The following GTF2F2 variants were observed in gnomAD, a reference collection of about 807,000 sequenced individuals.
The protein encoded by GTF2F2 is ATP-dependent helicase GTF2F2.
GTF2F2 carries 23 observed loss-of-function variants against 42.2 expected under a neutral mutation model. The ratio of observed to expected loss-of-function variants is 0.55; its 90% CI spans 0.39 to 0.77. GTF2F2 has a LOEUF of 0.77. Among genes scored for constraint, GTF2F2 ranks in the 30% least tolerant of loss-of-function variants. The probability of loss-of-function intolerance (pLI) is 0.00; values close to 1 mark genes in which losing one functional copy is unlikely to be tolerated. For synonymous variants in GTF2F2, 105 were observed against 100.8 expected, an observed-to-expected ratio of 1.04 and a Z score of -0.25; for missense variants, 261 against 287.2, an observed-to-expected ratio of 0.91 and a Z score of 0.66.
At chr13:45,174,634 C>CTTTTTTTTTT (rs397950608) in intron 4 of GTF2F2, among the ~76,000 whole-genome samples, 23 of 81,334 alleles carry the variant, frequency 2.8e-4, no homozygotes, top group Non-Finnish European at 4.4e-4. Flanking sequence ...TTTCTTTTTT[C>CTTTTTTTTTT]TTTTTTTTTT....
chr13:45,179,683 A>T (rs998186511), intron 4 of GTF2F2, among the ~76,000 whole-genome samples: 1 of 152,158 alleles, frequency 6.6e-6, no homozygotes, highest in Non-Finnish European at 1.5e-5. Context: ...GACCACAGGG[A>T]ATCTCATTTT....
At chr13:45,244,791 A>G (rs1875503641) in intron 5 of GTF2F2, among the ~76,000 whole-genome samples, 2 of 152,122 alleles carry the variant, frequency 1.3e-5, no homozygotes, top group Admixed American at 1.3e-4. Flanking sequence ...CTGCCTCAGC[A>G]TCCTGAGTAG....
At chr13:45,188,861 G>A (rs1478242992) in intron 4 of GTF2F2, among the ~76,000 whole-genome samples, 1 of 151,606 alleles carries the variant, frequency 6.6e-6, no homozygotes, top group African/African-American at 2.4e-5. Flanking sequence ...ATATTCACCA[G>A]CAGACAAATT....
intron 7 of GTF2F2, among the ~76,000 whole-genome samples, chr13:45,272,437 A>C (rs1459402461): frequency 2.2e-5 from 3 of 138,598 alleles, no homozygotes; most frequent in South Asian, 2.2e-4. Flanking sequence ...AAAAAAAAAA[A>C]AAACAAAAAA....
chr13:45,143,737 C>T (rs1225170326), intron 2 of GTF2F2, among the ~76,000 whole-genome samples: 6 of 152,138 alleles, frequency 3.9e-5, no homozygotes, highest in African/African-American at 1.2e-4. Flanking sequence ...AGGGAAAAGA[C>T]GTGCAGCCTG....
In GTF2F2 at chr13:45,181,475, T is replaced by A. The variant is rs961691945; in HGVS notation, c.305-25949T>A. 1.6e-4 allele frequency among the ~76,000 whole-genome samples: 24 copies of A among 152,268 alleles called. No individual in the cohort carries two copies. The South Asian group carries it at 2.5e-3, about 16-fold the overall frequency. The stretch of plus-strand genomic sequence containing the variant: ...CCAAGAACATTTTAAGCATGTCAAT[T>A]ACTTGTATATGAACATTTCTCTCTG... On this transcript the variant is annotated intron_variant, in intron 4 of 7. Coordinates refer to ENST00000340473, the MANE Select transcript of GTF2F2 (RefSeq NM_004128.3).
chr13:45,212,486 T>TCTTTCTTTCTTC (rs1388972626), intron 5 of GTF2F2, among the ~76,000 whole-genome samples: 1 of 131,714 alleles, frequency 7.6e-6, no homozygotes, highest in African/African-American at 3.0e-5. Context: ...TTTCTTTCTT[T>TCTTTCTTTCTTC]CTTTCTTTCT....
chr13:45,124,130 G>T (rs560963360), intron 1 of GTF2F2: 3 of 683,314 alleles, frequency 4.4e-6, no homozygotes, highest in Non-Finnish European at 8.0e-6. Context: ...GCCAGCCCCA[G>T]CATCTAAGGT....
chr13:45,277,140 A>G (rs1373441185), intron 7 of GTF2F2, among the ~76,000 whole-genome samples: 1 of 152,214 alleles, frequency 6.6e-6, no homozygotes, highest in African/African-American at 2.4e-5. Context: ...GAAGTTTCCT[A>G]GCATCGCCTT....
rs370701521 is a variant in GTF2F2 at position 45,185,359 on chromosome 13, A to G, written c.305-22065A>G. ...CTGCTTCCACTTTTCAAGGTAGCTG[A>G]ATTTTATGTTCTAAATCTCAATGTG... On this transcript the variant is annotated intron_variant, in intron 4 of 7. Transcript: ENST00000340473. Among the ~76,000 whole-genome samples, 246 of 152,296 alleles carry G rather than the reference A, an allele frequency of 1.6e-3. 4 individuals are homozygous for G. Among genetic ancestry groups the G allele is most frequent in the African/African-American group, 5.6e-3 (232 of 41,544 alleles).
At chr13:45,201,899 C>G (rs1207136012) in intron 4 of GTF2F2, among the ~76,000 whole-genome samples, 1 of 152,176 alleles carries the variant, frequency 6.6e-6, no homozygotes, top group Non-Finnish European at 1.5e-5. Context: ...CTGCAGAGTG[C>G]TGGCAAGACC....
Position 45,283,504 on chromosome 13 carries a change from C to T in GTF2F2, c.693C>T (p.Asn231=). The change falls in exon 8 of 8, where the codon AAC becomes AAT. Residue 231 remains asparagine (N), a synonymous_variant. Coordinates refer to ENST00000340473, the MANE Select transcript of GTF2F2 (RefSeq NM_004128.3). ...GVQNVKGIHK[N]TWELKPEYRH... is the part of the protein sequence containing the mutation. The stretch of plus-strand genomic sequence containing the variant: ...AGAATGTAAAAGGGATCCACAAAAA[C>T]ACATGGGAGCTGAAGCCAGAGTACA... 1.2e-6 allele frequency: 2 copies of T among 1,612,392 alleles called. No individual in the cohort carries two copies. Among genetic ancestry groups the T allele is most frequent in the East Asian group, 4.5e-5 (2 of 44,816 alleles).
chr13:45,194,688 G>GCAT, intron 4 of GTF2F2: 1 of 881,780 alleles, frequency 1.1e-6, no homozygotes, highest in Non-Finnish European at 1.8e-6. Flanking sequence ...AACGCTGGCA[G>GCAT]CATCGCCTGC....
chr13:45,255,919 G>A (rs891431716), intron 6 of GTF2F2, among the ~76,000 whole-genome samples: 1 of 152,046 alleles, frequency 6.6e-6, no homozygotes, highest in African/African-American at 2.4e-5. Context: ...TATGTCAAAT[G>A]CACTATAAAA....
chr13:45,191,768 G>T (rs979581085), intron 4 of GTF2F2, among the ~76,000 whole-genome samples: 1 of 152,064 alleles, frequency 6.6e-6, no homozygotes, highest in Non-Finnish European at 1.5e-5. Flanking sequence ...GTGTGAGGAG[G>T]AATTAAATGT....
intron 5 of GTF2F2, among the ~76,000 whole-genome samples, chr13:45,209,281 T>G (rs1873539015): frequency 6.6e-6 from 1 of 152,252 alleles, no homozygotes. Flanking sequence ...TGTGTTACAG[T>G]TGCCTACAGT....
intron 4 of GTF2F2, among the ~76,000 whole-genome samples, chr13:45,183,108 A>G (rs928897772): frequency 3.3e-5 from 5 of 152,114 alleles, no homozygotes; most frequent in Non-Finnish European, 7.3e-5. Context: ...GTCCGAAGGC[A>G]TTATCACATA....
At chr13:45,253,228 A>G (rs763824719) in intron 6 of GTF2F2, among the ~76,000 whole-genome samples, 5 of 152,130 alleles carry the variant, frequency 3.3e-5, no homozygotes, top group Non-Finnish European at 7.4e-5. Context: ...AATTTTTACA[A>G]AGAAGTAAAA....
intron 4 of GTF2F2, among the ~76,000 whole-genome samples, chr13:45,174,635 T>G (rs969013429): frequency 8.7e-6 from 1 of 114,646 alleles, no homozygotes; most frequent in Non-Finnish European, 1.9e-5. Context: ...TTCTTTTTTC[T>G]TTTTTTTTTT....
Sources: allele counts gnomAD v4.1 joint callset (sites outside exome capture counted in the v4.1 genomes callset), GRCh38; gene constraint gnomAD v4.1.1; transcripts MANE v1.5; gene names NCBI Gene and HGNC (gene_info 2026-07-23, HGNC 2026-07-21).